Variants in POLD3 observed in about 807,000 individuals in gnomAD.
POLD3 encodes the protein DNA polymerase delta 3, accessory subunit, also known as DNA polymerase delta subunit 3.
A neutral mutation model predicts 58.2 loss-of-function variants in POLD3; 19 were observed. The observed-to-expected ratio is 0.33, with a 90% CI of 0.23 to 0.48. The LOEUF (loss-of-function observed/expected upper bound fraction) is 0.48, where lower values mean the gene tolerates loss of function less well. POLD3 is among the 20% of genes least tolerant of loss of function. POLD3 has a pLI of 0.99. For synonymous variants in POLD3, 172 were observed against 193.5 expected (o/e 0.89, Z 0.92); for missense variants, 504 against 545.5 (o/e 0.92, Z 0.76).
chr11:74,593,382 G>C (rs953629686), intron 1 of POLD3, among the ~76,000 whole-genome samples: 1 of 152,232 alleles, frequency 6.6e-6, no homozygotes, highest in Non-Finnish European at 1.5e-5. Flanking sequence ...GTAAGGGATA[G>C]GCAGTTTTTC....
intron 5 of POLD3, among the ~76,000 whole-genome samples, chr11:74,614,305 A>G (rs1044807218): frequency 2.0e-5 from 3 of 152,242 alleles, no homozygotes; most frequent in African/African-American, 7.2e-5. Flanking sequence ...AGGCAAGGCC[A>G]TCAGGGAGGA....
In POLD3 at chr11:74,641,686, C is replaced by CA. The variant is rs2032918445; in HGVS notation, c.*926dup. On this transcript the variant is annotated 3_prime_UTR_variant, in exon 12 of 12. Transcript: ENST00000263681. Reference sequence around the variant, plus strand: ...TCCTATATACAGTGTGCTACATTTACAAAAAATTTCTCCTTAAGAAAACAG... The same window carrying CA: ...TCCTATATACAGTGTGCTACATTTACAAAAAAATTTCTCCTTAAGAAAACAG... 1.0e-6 allele frequency: 1 copy of CA among 984,942 alleles called. No homozygotes were observed. Among genetic ancestry groups the CA allele is most frequent in the African/African-American group, 1.7e-5 (1 of 57,182 alleles). 61.0% of individuals were successfully genotyped at this position (984,942 alleles called of 1,614,324 possible).
At chr11:74,613,156 C>A in intron 5 of POLD3, 146 bp downstream of exon 5, 1 of 722,446 alleles carries the variant, frequency 1.4e-6, no homozygotes, top group Non-Finnish European at 2.3e-6. Context: ...TTTATTAGTA[C>A]ATCATAAGGT....
At chr11:74,655,848 G>C (rs2033127061) in intron 4 of POLD3, among the ~76,000 whole-genome samples, 1 of 152,108 alleles carries the variant, frequency 6.6e-6, no homozygotes, top group South Asian at 2.1e-4. Context: ...TGTGACTGGA[G>C]GTTTCAGCAA....
rs538276438 is a variant in POLD3 at position 74,642,114 on chromosome 11, GT to G, written c.*1349del. ...CTTCTTTTGCCTCAAGATGGTGTAT[GT>G]CGTAAGTGATGCAATCAGCTGTCTG... On this transcript the variant is annotated 3_prime_UTR_variant, in exon 12 of 12. Transcript: ENST00000263681. 89 of 985,436 alleles carry G rather than the reference GT, an allele frequency of 9.0e-5. No individual in the cohort carries two copies. In the African/African-American group the frequency reaches 1.4e-3, roughly 16 times the overall value. 61.0% of individuals were successfully genotyped at this position (985,436 alleles called of 1,614,324 possible).
chr11:74,619,475 C>T (rs1362626246), intron 6 of POLD3, among the ~76,000 whole-genome samples: 2 of 152,118 alleles, frequency 1.3e-5, no homozygotes, highest in African/African-American at 4.8e-5. Context: ...AAAACACTAA[C>T]GTTTATTGAA....
chr11:74,638,988 C>G (rs1479578769), intron 11 of POLD3, among the ~76,000 whole-genome samples: 3 of 152,156 alleles, frequency 2.0e-5, no homozygotes, highest in Non-Finnish European at 4.4e-5. Context: ...TCTGGGAACT[C>G]TCTGGGAAGG....
intron 3 of POLD3, among the ~76,000 whole-genome samples, chr11:74,607,239 A>T (rs1207212113): frequency 1.2e-5 from 1 of 84,532 alleles, no homozygotes; most frequent in African/African-American, 7.4e-5. Context: ...TATTATTATT[A>T]TTATATATTT....
At chr11:74,631,596 G>T (rs759568970) in intron 9 of POLD3, among the ~76,000 whole-genome samples, 6 of 147,420 alleles carry the variant, frequency 4.1e-5, no homozygotes, top group African/African-American at 1.3e-4. Context: ...GCGATTCTCT[G>T]CCTCAGCCTC....
At chr11:74,619,376 T>C (rs948659383) in intron 6 of POLD3, among the ~76,000 whole-genome samples, 5 of 152,160 alleles carry the variant, frequency 3.3e-5, no homozygotes, top group Admixed American at 2.0e-4. Flanking sequence ...CTATTATTAT[T>C]ATCACTGTCA....
chr11:74,623,281 A>G (rs2032321940), intron 7 of POLD3, among the ~76,000 whole-genome samples: 1 of 152,036 alleles, frequency 6.6e-6, no homozygotes, highest in Non-Finnish European at 1.5e-5. Context: ...AAAAAATACA[A>G]AAAATTAGCT....
intron 11 of POLD3, 134 bp downstream of exon 11, chr11:74,636,409 G>A (rs2032752357): frequency 1.3e-6 from 1 of 782,460 alleles, no homozygotes; most frequent in Admixed American, 2.6e-5. Flanking sequence ...TACTGATGCT[G>A]TTTGTCTATG....
At chr11:74,623,335 T>C (rs542684231) in intron 7 of POLD3, among the ~76,000 whole-genome samples, 2 of 152,222 alleles carry the variant, frequency 1.3e-5, no homozygotes, top group South Asian at 4.2e-4. Flanking sequence ...CTCAGGAGGC[T>C]GAGGCAGGAG....
At position 74,642,573 on chromosome 11, in the gene POLD3, A is replaced by G; in HGVS notation, c.*1807A>G. On this transcript the variant is annotated 3_prime_UTR_variant, in exon 12 of 12. Transcript: ENST00000263681. Reference sequence around the variant, plus strand: ...TTGGAGTTCCATCTTGCAAGGGATAATACAAATCCTATGATCTCTATGCCC... The same window carrying G: ...TTGGAGTTCCATCTTGCAAGGGATAGTACAAATCCTATGATCTCTATGCCC... 1 of 985,364 alleles carries G rather than the reference A, an allele frequency of 1.0e-6. No homozygotes were observed. The highest frequency in any genetic ancestry group is 1.2e-6 in the Non-Finnish European group (1 of 829,882). The allele number at this position is 985,364 out of a possible 1,614,324, so 61.0% of individuals were successfully genotyped here. A position where few individuals can be genotyped will look rare whatever the true frequency, so the allele number is the denominator to read the frequency against.
At chr11:74,609,374 T>TATATATATATACATATA (rs1554974741) in intron 3 of POLD3, among the ~76,000 whole-genome samples, 1 of 15,650 alleles carries the variant, frequency 6.4e-5, no homozygotes, top group Admixed American at 8.0e-4. Flanking sequence ...ATATATATAT[T>TATATATATATACATATA]TTTTTTTTTT....
intron 8 of POLD3, among the ~76,000 whole-genome samples, chr11:74,628,659 C>A (rs994916834): frequency 1.3e-5 from 2 of 152,096 alleles, no homozygotes; most frequent in African/African-American, 4.8e-5. Flanking sequence ...TGCCTTTGCT[C>A]ATATTGTTCT....
chr11:74,599,851 G>A (rs1162559397), intron 2 of POLD3, among the ~76,000 whole-genome samples: 1 of 152,056 alleles, frequency 6.6e-6, no homozygotes, highest in Non-Finnish European at 1.5e-5. Flanking sequence ...CATTATGGGT[G>A]GAACTGATCA....
intron 9 of POLD3, among the ~76,000 whole-genome samples, chr11:74,633,329 G>A (rs2032650816): frequency 6.6e-6 from 1 of 152,134 alleles, no homozygotes; most frequent in African/African-American, 2.4e-5. Context: ...TAGCCGGACC[G>A]CTTTCCTTTT....
downstream of POLD3, among the ~76,000 whole-genome samples, chr11:74,645,527 A>G (rs2032988127): frequency 6.6e-6 from 1 of 152,194 alleles, no homozygotes; most frequent in South Asian, 2.1e-4. Context: ...AGGGCACTGG[A>G]TGCAAACCCT....
Sources: gnomAD v4.1 joint callset for allele counts (sites outside exome capture counted in the v4.1 genomes callset) on GRCh38, gnomAD v4.1.1 for gene constraint, MANE v1.5 for transcripts, NCBI Gene and HGNC (gene_info 2026-07-23, HGNC 2026-07-21) for gene names.